RANBP17: variants seen among roughly 807,000 people sequenced by gnomAD.
The protein encoded by RANBP17 is RAN binding protein 17, also known as ran-binding protein 17.
RANBP17 carries 158 observed loss-of-function variants against 141.2 expected under a neutral mutation model. That is an observed-to-expected ratio of 1.12 (90% CI 0.98 to 1.28). The LOEUF (loss-of-function observed/expected upper bound fraction) is 1.28, where lower values mean the gene tolerates loss of function less well. Ranked by LOEUF, RANBP17 falls within the 50% of genes most tolerant of loss-of-function variation. RANBP17 has a pLI of 0.00. For synonymous variants in RANBP17, 430 were observed against 450.0 expected (o/e 0.96, Z 0.56); for missense variants, 1,438 against 1,290.7 (o/e 1.11, Z -1.75).
intron 19 of RANBP17, among the ~76,000 whole-genome samples, chr5:171,201,318 C>T (rs1762285033): frequency 6.6e-6 from 1 of 152,182 alleles, no homozygotes; most frequent in African/African-American, 2.4e-5. Context: ...AAGTTTGATG[C>T]ATGATAACTG....
rs375698493 is a variant in RANBP17, at chr5:170,921,276, A to G, written c.1274+1663A>G. Among the ~76,000 whole-genome samples the G allele has an allele frequency of 4.1e-4, 62 of 152,316 alleles. 1 individual carries two copies. The South Asian group carries it at 0.012, about 31-fold the overall frequency. On this transcript the variant is annotated intron_variant, in intron 11 of 27. Transcript: ENST00000523189. ...TTGAGTTAATTTTTGTGTAAGGTGT[A>G]AGGAAGGAATCCAGTTTCAGCTTTC...
chr5:171,270,352 G>A (rs1043329029), intron 25 of RANBP17, among the ~76,000 whole-genome samples: 8 of 152,140 alleles, frequency 5.3e-5, no homozygotes, highest in South Asian at 2.1e-4. Flanking sequence ...AAACAATTGC[G>A]TCACCAGCGT....
chr5:170,983,029 A>G (rs1243092359), intron 14 of RANBP17: 8 of 477,450 alleles, frequency 1.7e-5, no homozygotes, highest in Non-Finnish European at 2.8e-5. Context: ...CACTCAGACA[A>G]AGCCTCAACT....
chr5:171,138,966 A>G (rs966835177), intron 14 of RANBP17, among the ~76,000 whole-genome samples: 2 of 152,142 alleles, frequency 1.3e-5, no homozygotes, highest in East Asian at 1.9e-4. Context: ...AGTGCCAGCT[A>G]CTTGAGAGAC....
chr5:171,251,740 C>G (rs1326697565), intron 24 of RANBP17: 3 of 758,786 alleles, frequency 4.0e-6, no homozygotes, highest in Non-Finnish European at 6.8e-6. Context: ...GCGGTGCGAG[C>G]AGGTGGCCCC....
At chr5:171,001,503 A>G (rs1323011373) in intron 14 of RANBP17, among the ~76,000 whole-genome samples, 1 of 152,094 alleles carries the variant, frequency 6.6e-6, no homozygotes, top group Non-Finnish European at 1.5e-5. Context: ...TGGTGTCTGG[A>G]ATGAGACTGG....
intron 1 of RANBP17, among the ~76,000 whole-genome samples, chr5:170,870,731 T>G (rs1166434786): frequency 6.6e-6 from 1 of 152,200 alleles, no homozygotes; most frequent in Non-Finnish European, 1.5e-5. Context: ...TTTGAGTATA[T>G]ACCCAGTAAT....
intron 14 of RANBP17, among the ~76,000 whole-genome samples, chr5:171,093,289 A>C (rs890718658): frequency 2.0e-5 from 3 of 152,086 alleles, no homozygotes; most frequent in African/African-American, 7.2e-5. Flanking sequence ...TGTGGACTGT[A>C]AGCTACTTGA....
intron 14 of RANBP17, among the ~76,000 whole-genome samples, chr5:171,023,300 T>C (rs149944877): frequency 0.018 from 2,767 of 152,306 alleles, 81 homozygotes; most frequent in African/African-American, 0.064. Context: ...TGTAAGACTT[T>C]TATAACTTTT....
At chr5:170,920,159 C>G (rs1772315244) in intron 11 of RANBP17, among the ~76,000 whole-genome samples, 1 of 152,018 alleles carries the variant, frequency 6.6e-6, no homozygotes, top group South Asian at 2.1e-4. Flanking sequence ...GTTTTTGTTT[C>G]TCCTGGGTAA....
chr5:171,043,256 C>T (rs575424263), intron 14 of RANBP17, among the ~76,000 whole-genome samples: 121 of 152,160 alleles, frequency 8.0e-4, no homozygotes, highest in Non-Finnish European at 1.2e-3. Context: ...CAGGAACATA[C>T]ATAGGATAAA....
At chr5:171,081,266 A>T (rs1369468879) in intron 14 of RANBP17, among the ~76,000 whole-genome samples, 2 of 152,186 alleles carry the variant, frequency 1.3e-5, no homozygotes, top group African/African-American at 4.8e-5. Flanking sequence ...TAAAACTAAT[A>T]TAAGTGATGG....
At chr5:170,948,499 A>C (rs1436996150) in intron 12 of RANBP17, among the ~76,000 whole-genome samples, 1 of 152,212 alleles carries the variant, frequency 6.6e-6, no homozygotes, top group Non-Finnish European at 1.5e-5. Flanking sequence ...CTTAGGCATA[A>C]ATTTTAAAAA....
chr5:171,170,221 T>G lies in RANBP17; in HGVS notation c.1784+18T>G. The G allele has an allele frequency of 6.9e-7, 1 of 1,449,482 alleles. No individual in the cohort carries two copies. Among genetic ancestry groups the G allele is most frequent in the Non-Finnish European group, 9.4e-7 (1 of 1,061,912 alleles). The allele number at this position is 1,449,482 out of a possible 1,614,324, so 89.8% of individuals were successfully genotyped here. A position where few individuals can be genotyped will look rare whatever the true frequency, so the allele number is the denominator to read the frequency against. On this transcript the variant is annotated intron_variant, in intron 15 of 27. Coordinates refer to ENST00000523189, the MANE Select transcript of RANBP17 (RefSeq NM_022897.5). ...ACAAAAATGTGAGTTCTTGTTTTGG[T>G]CTTTAATTTTTCTTTTGTTGTTGTT...
At chr5:170,964,243 G>A (rs1434363402) in intron 13 of RANBP17, among the ~76,000 whole-genome samples, 1 of 152,148 alleles carries the variant, frequency 6.6e-6, no homozygotes, top group Non-Finnish European at 1.5e-5. Context: ...GTGTGTTATA[G>A]ATGGACATGT....
intron 14 of RANBP17, among the ~76,000 whole-genome samples, chr5:171,135,006 C>T (rs1402437030): frequency 1.3e-5 from 2 of 151,182 alleles, no homozygotes; most frequent in Non-Finnish European, 2.9e-5. Context: ...TGGTGGCTCA[C>T]GCCTGTAATC....
At chr5:170,918,520 T>G (rs1007719821) in intron 9 of RANBP17, among the ~76,000 whole-genome samples, 193 bp from the exon 10 acceptor site, 1 of 152,052 alleles carries the variant, frequency 6.6e-6, no homozygotes, top group African/African-American at 2.4e-5. Context: ...GATTCCTTGT[T>G]ATTAATCATT....
intron 5 of RANBP17, among the ~76,000 whole-genome samples, chr5:170,901,129 A>C (rs1340242830): frequency 6.6e-6 from 1 of 152,000 alleles, no homozygotes; most frequent in Non-Finnish European, 1.5e-5. Flanking sequence ...TCCCACTATT[A>C]TTGTGTGGGA....
intron 14 of RANBP17, among the ~76,000 whole-genome samples, chr5:171,121,117 A>C (rs960332822): frequency 6.6e-6 from 1 of 152,224 alleles, no homozygotes. Flanking sequence ...TGTTAGGAGC[A>C]TATGTGTGCC....
Sources: gnomAD v4.1 joint callset for allele counts (sites outside exome capture counted in the v4.1 genomes callset) on GRCh38, gnomAD v4.1.1 for gene constraint, MANE v1.5 for transcripts, NCBI Gene and HGNC (gene_info 2026-07-23, HGNC 2026-07-21) for gene names.